Variants in XXYLT1 observed in about 807,000 individuals in gnomAD.
XXYLT1 encodes the protein UDP-xylose:alpha-xyloside alpha-1,3-xylosyltransferase.
Under a neutral mutation model 28.9 loss-of-function variants are expected in XXYLT1, and 20 were observed. The observed-to-expected ratio is 0.69, with a 90% CI of 0.49 to 1.00. XXYLT1 has a LOEUF of 1.00. Ranked by LOEUF, XXYLT1 falls within the 50% of genes least tolerant of loss-of-function variation. The pLI is 0.00. For synonymous variants in XXYLT1, 257 were observed against 253.8 expected, an observed-to-expected ratio of 1.01 and a Z score of -0.12; for missense variants, 542 against 560.1, an observed-to-expected ratio of 0.97 and a Z score of 0.33.
Position 195,270,704 on chromosome 3 carries a change from G to C in XXYLT1, c.355C>G (p.Arg119Gly), listed in dbSNP as rs1380674347. Reference protein sequence around the residue: ...EHNAALQAKARVALRSLLRLA... With the variant: ...EHNAALQAKAGVALRSLLRLA... ...CGCAGCAGTGAGCGCAGCGCGACGC[G>C]GGCCTTGGCCTGCAGCGCGGCATTG... Residue 119 changes from arginine (R) to glycine (G), a missense_variant, in exon 1 of 4, where the codon CGC (arginine) becomes GGC (glycine). Transcript: ENST00000310380. 1.3e-6 allele frequency: 2 copies of C among 1,590,460 alleles called. No individual in the cohort carries two copies. The highest frequency in any genetic ancestry group is 1.7e-6 in the Non-Finnish European group (2 of 1,172,934).
chr3:195,112,583 GCACACA>G lies in XXYLT1; in HGVS notation c.786-42478_786-42473del, dbSNP rs111315795. On this transcript the variant is annotated intron_variant, in intron 3 of 3. Transcript: ENST00000310380. ...GATGAAGCAGTGCACACACACGCAC[GCACACA>G]CACACACGCATGCACACACACGCAC... Among the ~76,000 whole-genome samples the G allele has an allele frequency of 1.7e-3, 231 of 133,488 alleles. 1 individual carries two copies. Among genetic ancestry groups the G allele is most frequent in the African/African-American group, 4.0e-3 (147 of 36,772 alleles). 87.6% of individuals were successfully genotyped at this position (133,488 alleles called of 152,430 possible). A position where few individuals can be genotyped will look rare whatever the true frequency, so the allele number is the denominator to read the frequency against.
At chr3:195,253,287 G>A (rs920683833) in intron 1 of XXYLT1, among the ~76,000 whole-genome samples, 1 of 152,068 alleles carries the variant, frequency 6.6e-6, no homozygotes, top group African/African-American at 2.4e-5. Flanking sequence ...AGGTCCAGAT[G>A]CTGCACATGT....
At chr3:195,082,208 G>A (rs1016381005) in intron 3 of XXYLT1, among the ~76,000 whole-genome samples, 2 of 152,146 alleles carry the variant, frequency 1.3e-5, no homozygotes, top group Non-Finnish European at 1.5e-5. Context: ...CAAGGGTGGC[G>A]GGCGCGTAAG....
At chr3:195,120,289 C>CCA (rs1718287944) in intron 3 of XXYLT1, among the ~76,000 whole-genome samples, 1 of 142,810 alleles carries the variant, frequency 7.0e-6, no homozygotes, top group Admixed American at 7.0e-5. Context: ...CAGATGCCCC[C>CCA]CCCGCCCCAG....
At chr3:195,247,856 G>A in intron 1 of XXYLT1, 1 of 701,346 alleles carries the variant, frequency 1.4e-6, no homozygotes, top group Non-Finnish European at 2.6e-6. Context: ...AGGACAGAGA[G>A]AGAGAAGGGG....
At chr3:195,185,807 C>G (rs533382003) in intron 2 of XXYLT1, among the ~76,000 whole-genome samples, 1 of 152,086 alleles carries the variant, frequency 6.6e-6, no homozygotes. Context: ...AGGCTCACAC[C>G]CCATCTACAT....
chr3:195,077,517 T>A lies in XXYLT1; in HGVS notation c.786-7406A>T, dbSNP rs574387651. On this transcript the variant is annotated intron_variant, in intron 3 of 3. Coordinates refer to ENST00000310380, the MANE Select transcript of XXYLT1 (RefSeq NM_152531.5). This position sits in a 1 kb window ranked among gnomAD's most constrained non-coding sequence, Gnocchi z 4.8. ...GTGGCGGCTCCTCAGCGATCAGCCCTCGTCCACCCAGCCAGCCTCCTGGAG... is the reference window on the plus strand; with the variant it reads ...GTGGCGGCTCCTCAGCGATCAGCCCACGTCCACCCAGCCAGCCTCCTGGAG... Among the ~76,000 whole-genome samples the A allele has an allele frequency of 1.3e-5, 2 of 152,198 alleles. No homozygotes were observed. Among genetic ancestry groups the A allele is most frequent in the Non-Finnish European group, 2.9e-5 (2 of 67,998 alleles).
In XXYLT1 at chr3:195,150,434, A is replaced by G. The variant is rs1720136926; in HGVS notation, c.785+6015T>C. ...TGGAGTGGGATGACGCAGCCTGCAG[A>G]GAAGCTTTCCTTCCGAGCGTCTGGA... On this transcript the variant is annotated intron_variant, in intron 3 of 3. Coordinates refer to ENST00000310380, the MANE Select transcript of XXYLT1 (RefSeq NM_152531.5). This position sits in a 1 kb window ranked among gnomAD's most constrained non-coding sequence, Gnocchi z 4.7. Among the ~76,000 whole-genome samples, 1 of 152,218 alleles carries G rather than the reference A, an allele frequency of 6.6e-6. No homozygotes were observed. The highest frequency in any genetic ancestry group is 1.5e-5 in the Non-Finnish European group (1 of 68,038).
chr3:195,160,960 A>G (rs1206158917), intron 2 of XXYLT1, among the ~76,000 whole-genome samples: 1 of 152,216 alleles, frequency 6.6e-6, no homozygotes, highest in African/African-American at 2.4e-5. Flanking sequence ...AGGCCCAGCC[A>G]CAGGGCAGCT....
chr3:195,159,176 C>G (rs1024665411), intron 2 of XXYLT1, among the ~76,000 whole-genome samples: 1 of 152,210 alleles, frequency 6.6e-6, no homozygotes, highest in African/African-American at 2.4e-5. Flanking sequence ...ACAAGACTCA[C>G]AAGAATGGCC....
In XXYLT1 at chr3:195,195,211, C is replaced by T. The variant is rs770019486; in HGVS notation, c.652+31498G>A. ...ACCCTCCAGTGATAAAGCTGGCTACCGTTCTCATAAATGTTCTCTTAAGTG... is the reference window on the plus strand; with the variant it reads ...ACCCTCCAGTGATAAAGCTGGCTACTGTTCTCATAAATGTTCTCTTAAGTG... On this transcript the variant is annotated intron_variant, in intron 2 of 3. Coordinates refer to ENST00000310380, the MANE Select transcript of XXYLT1 (RefSeq NM_152531.5). This position sits in a 1 kb window ranked among gnomAD's most constrained non-coding sequence, Gnocchi z 4.4. Among the ~76,000 whole-genome samples, 1 of 152,112 alleles carries T rather than the reference C, an allele frequency of 6.6e-6. No homozygotes were observed. Among genetic ancestry groups the T allele is most frequent in the Non-Finnish European group, 1.5e-5 (1 of 68,022 alleles).
At chr3:195,228,480 ATTTCACT>A (rs1724153013) in intron 1 of XXYLT1, among the ~76,000 whole-genome samples, 1 of 112,240 alleles carries the variant, frequency 8.9e-6, no homozygotes, top group Non-Finnish European at 1.9e-5. Context: ...TTTGGCCTAT[ATTTCACT>A]TTTTTTTTTT....
chr3:195,260,396 A>C (rs1313862900), intron 1 of XXYLT1, among the ~76,000 whole-genome samples: 2 of 152,190 alleles, frequency 1.3e-5, no homozygotes, highest in Non-Finnish European at 2.9e-5. Flanking sequence ...AGCACAGGAC[A>C]AAACCTGTGC....
At chr3:195,127,906 A>G (rs537169894) in intron 3 of XXYLT1, among the ~76,000 whole-genome samples, 1 of 152,336 alleles carries the variant, frequency 6.6e-6, no homozygotes, top group South Asian at 2.1e-4. Context: ...AATCATTGAA[A>G]GAGGTAATTG....
intron 3 of XXYLT1, 104 bp from the exon 4 acceptor site, chr3:195,070,215 T>C (rs567837039): frequency 1.4e-6 from 2 of 1,414,280 alleles, no homozygotes; most frequent in East Asian, 2.4e-5. Context: ...CACTGCCACA[T>C]TCCGGGGTGC....
intron 1 of XXYLT1, among the ~76,000 whole-genome samples, chr3:195,242,873 T>C (rs1402896592): frequency 6.6e-6 from 1 of 152,136 alleles, no homozygotes; most frequent in Non-Finnish European, 1.5e-5. Context: ...GAACCCAGTT[T>C]CTAATGGCTG....
At chr3:195,127,209 C>G (rs575130668) in intron 3 of XXYLT1, among the ~76,000 whole-genome samples, 180 of 152,148 alleles carry the variant, frequency 1.2e-3, no homozygotes, top group Non-Finnish European at 2.3e-3. Flanking sequence ...AAAAGAGAGG[C>G]CTTAGGAAGG....
At chr3:195,140,769 G>C (rs1719444536) in intron 3 of XXYLT1, among the ~76,000 whole-genome samples, 1 of 152,176 alleles carries the variant, frequency 6.6e-6, no homozygotes, top group Non-Finnish European at 1.5e-5. Context: ...CAAGAGGGAA[G>C]TCTGCCCCCA....
At chr3:195,201,459 C>A (rs940654181) in intron 2 of XXYLT1, among the ~76,000 whole-genome samples, 6 of 152,226 alleles carry the variant, frequency 3.9e-5, no homozygotes, top group Non-Finnish European at 8.8e-5. Flanking sequence ...CCTGTGCCAA[C>A]AAAAGCAAGA....
Sources: gnomAD v4.1 joint callset for allele counts (sites outside exome capture counted in the v4.1 genomes callset) on GRCh38, gnomAD v4.1.1 for gene constraint, Gnocchi (gnomAD v3.1) non-coding constraint, MANE v1.5 for transcripts, NCBI Gene and HGNC (gene_info 2026-07-23, HGNC 2026-07-21) for gene names.